The following OPHN1 variants were observed in gnomAD, a reference collection of about 807,000 sequenced individuals.
OPHN1 encodes the protein oligophrenin 1.
In OPHN1, 11 loss-of-function variants were observed where a neutral mutation model predicts 60.7. The ratio of observed to expected loss-of-function variants is 0.18; its 90% CI spans 0.11 to 0.30. The LOEUF (loss-of-function observed/expected upper bound fraction) is 0.30. OPHN1 is among the 10% of genes least tolerant of loss of function. The pLI, the probability that OPHN1 is intolerant of heterozygous loss-of-function variation, is 1.00. For missense variants in OPHN1, 449 were observed against 611.0 expected, an observed-to-expected ratio of 0.73 and a Z score of 2.80; for synonymous variants, 226 against 222.6, an observed-to-expected ratio of 1.02 and a Z score of -0.14.
intron 6 of OPHN1, among the ~76,000 whole-genome samples, chrX:68,225,653 T>A (rs1036768215): frequency 1.8e-5 from 2 of 112,323 alleles, no homozygotes; most frequent in Non-Finnish European, 3.8e-5. Flanking sequence ...GACCTGCAGC[T>A]GATGGTCCTG....
intron 15 of OPHN1, chrX:68,133,057 C>A: frequency 2.0e-6 from 1 of 505,015 alleles, no homozygotes; most frequent in Non-Finnish European, 3.6e-6. Context: ...CCCCACTCGG[C>A]AGCAAGCGGC....
chrX:68,360,129 A>C (rs1158015994), intron 2 of OPHN1, among the ~76,000 whole-genome samples: 1 of 111,105 alleles, frequency 9.0e-6, no homozygotes, highest in Non-Finnish European at 1.9e-5. Context: ...GTTGGGTAGC[A>C]CTACGTAAAT....
chrX:68,222,828 A>G (rs1225548002), intron 6 of OPHN1, among the ~76,000 whole-genome samples: 1 of 34,694 alleles, frequency 2.9e-5, no homozygotes, highest in Admixed American at 3.8e-4. Context: ...ACCTAATGCT[A>G]GATGATGAGT....
chrX:68,187,878 T>C (rs987667711), intron 15 of OPHN1, among the ~76,000 whole-genome samples: 6 of 112,074 alleles, frequency 5.4e-5, no homozygotes, highest in East Asian at 2.8e-4. Flanking sequence ...CCGCCCGCCT[T>C]GGCCTCCCAA....
intron 3 of OPHN1, among the ~76,000 whole-genome samples, chrX:68,287,156 G>GGAAAGAAAAGAAAGAAAGAAAGAAAGAAA (rs2078046012): frequency 4.1e-5 from 3 of 72,902 alleles, no homozygotes; most frequent in African/African-American, 2.2e-4. Flanking sequence ...GAAGAAAGAA[G>GGAAAGAAAAGAAAGAAAGAAAGAAAGAAA]GAAAGAAAGA....
At chrX:68,433,068 G>A (rs985835370) in intron 1 of OPHN1, 44 bp from the exon 2 acceptor site, 3 of 1,137,987 alleles carry the variant, frequency 2.6e-6, no homozygotes, top group South Asian at 2.0e-5. Context: ...CACAAAGACC[G>A]AGAGCATCAA....
intron 2 of OPHN1, among the ~76,000 whole-genome samples, chrX:68,332,181 A>G (rs1167518227): frequency 8.9e-6 from 1 of 112,126 alleles, no homozygotes; most frequent in Non-Finnish European, 1.9e-5. Flanking sequence ...AATGATGATG[A>G]TGAAAATAAC....
At position 68,375,146 on chromosome X, in the gene OPHN1, C is replaced by A. The variant is rs774400142; in HGVS notation, c.154+57721G>T. 4.5e-5 allele frequency among the ~76,000 whole-genome samples: 5 copies of A among 111,341 alleles called. No homozygotes were observed. In the South Asian group the frequency reaches 1.5e-3, roughly 33 times the overall value. On this transcript the variant is annotated intron_variant, in intron 2 of 24. Transcript: ENST00000355520. Reference sequence around the variant, plus strand: ...CCTCTAGAAATAATGTGTGTTCACACACAAAAAAAAACATATAATAATGTT... The same window carrying A: ...CCTCTAGAAATAATGTGTGTTCACAAACAAAAAAAAACATATAATAATGTT...
chrX:68,282,618 T>A (rs149446536), intron 4 of OPHN1, among the ~76,000 whole-genome samples: 249 of 112,079 alleles, frequency 2.2e-3, no homozygotes, highest in Middle Eastern at 4.7e-3. Context: ...TCACATGATG[T>A]TTAATAATAG....
intron 15 of OPHN1, chrX:68,133,170 G>T: frequency 1.3e-6 from 1 of 750,960 alleles, no homozygotes; most frequent in Non-Finnish European, 2.1e-6. Context: ...AGTGAAGCTT[G>T]TGCTTCAGAA....
At chrX:68,060,769 G>A (rs1164434998) in intron 21 of OPHN1, among the ~76,000 whole-genome samples, 1 of 111,689 alleles carries the variant, frequency 9.0e-6, no homozygotes, top group Non-Finnish European at 1.9e-5. Context: ...AAACAACAGA[G>A]CTGAAATGGG....
chrX:68,382,582 C>T (rs1444823449), intron 2 of OPHN1, among the ~76,000 whole-genome samples: 2 of 110,630 alleles, frequency 1.8e-5, no homozygotes, highest in Admixed American at 1.9e-4. Context: ...ACAGAATAAG[C>T]CCTCACCAAA....
chrX:68,297,119 T>C (rs979724501), intron 3 of OPHN1, among the ~76,000 whole-genome samples: 8 of 111,824 alleles, frequency 7.2e-5, no homozygotes, highest in East Asian at 5.6e-4. Context: ...GCCATTTATA[T>C]AATTTCATGT....
intron 16 of OPHN1, among the ~76,000 whole-genome samples, chrX:68,118,840 C>T (rs753166559): frequency 2.9e-4 from 32 of 111,256 alleles, no homozygotes; most frequent in Non-Finnish European, 5.5e-4. Flanking sequence ...CACACATATA[C>T]CATTTTTGCC....
At chrX:68,161,825 G>A (rs1042265321) in intron 15 of OPHN1, among the ~76,000 whole-genome samples, 1 of 110,928 alleles carries the variant, frequency 9.0e-6, no homozygotes, top group East Asian at 2.8e-4. Context: ...AGCAATAAAC[G>A]TCCATAAACA....
chrX:68,249,379 G>A (rs2077822359), intron 5 of OPHN1, among the ~76,000 whole-genome samples: 1 of 112,101 alleles, frequency 8.9e-6, no homozygotes, highest in Non-Finnish European at 1.9e-5. Context: ...TAAGGGTAAT[G>A]AGCTTTGCAC....
chrX:68,147,749 G>A (rs2077269569), intron 15 of OPHN1, among the ~76,000 whole-genome samples: 1 of 112,018 alleles, frequency 8.9e-6, no homozygotes, highest in African/African-American at 3.2e-5. Flanking sequence ...TGTAAAGGAA[G>A]TTATGATGAT....
intron 2 of OPHN1, among the ~76,000 whole-genome samples, chrX:68,429,991 T>C (rs1207935741): frequency 9.1e-6 from 1 of 110,336 alleles, no homozygotes; most frequent in Non-Finnish European, 1.9e-5. Context: ...ACTGCGATCA[T>C]GCCACTGCAC....
intron 5 of OPHN1, among the ~76,000 whole-genome samples, chrX:68,268,284 C>T (rs1297023418): frequency 9.0e-6 from 1 of 110,965 alleles, no homozygotes; most frequent in African/African-American, 3.3e-5. Flanking sequence ...AGAGACACAA[C>T]AAAAAAAGAG....
Sources: gnomAD v4.1 joint callset for allele counts (sites outside exome capture counted in the v4.1 genomes callset) on GRCh38, gnomAD v4.1.1 for gene constraint, MANE v1.5 for transcripts, NCBI Gene and HGNC (gene_info 2026-07-23, HGNC 2026-07-21) for gene names.